The following TG variants were observed in gnomAD, a reference collection of about 807,000 sequenced individuals.
TG encodes thyroglobulin, also known as thyroid hormones.
TG carries 270 observed loss-of-function variants against 324.7 expected under a neutral mutation model. The ratio of observed to expected loss-of-function variants is 0.83; its 90% confidence interval spans 0.75 to 0.92. TG has a LOEUF of 0.92. Ranked by LOEUF, TG falls within the 40% of genes least tolerant of loss-of-function variation. The probability of loss-of-function intolerance (pLI) is 0.00; values close to 1 mark genes in which losing one functional copy is unlikely to be tolerated. For synonymous variants in TG, 1,401 were observed against 1,327.0 expected, an observed-to-expected ratio of 1.06 and a Z score of -1.21; for missense variants, 3,591 against 3,456.4, an observed-to-expected ratio of 1.04 and a Z score of -0.98.
chr8:133,115,794 A>T (rs944136260), intron 44 of TG, among the ~76,000 whole-genome samples: 8 of 152,182 alleles, frequency 5.3e-5, no homozygotes, highest in African/African-American at 1.9e-4. Flanking sequence ...CGCCTCTCTA[A>T]GCACATAGCC....
At chr8:133,050,945 G>C in intron 41 of TG, 1 of 1,354,024 alleles carries the variant, frequency 7.4e-7, no homozygotes, top group Non-Finnish European at 1.1e-6. Context: ...GGGGAAGGGG[G>C]CAAGGTGCTT....
At chr8:132,931,260 A>G (rs997492773) in intron 23 of TG, among the ~76,000 whole-genome samples, 1 of 152,180 alleles carries the variant, frequency 6.6e-6, no homozygotes, top group Non-Finnish European at 1.5e-5. Context: ...TAATGATCTC[A>G]TTATGCACTT....
intron 38 of TG, among the ~76,000 whole-genome samples, chr8:133,019,268 C>T (rs1835343397): frequency 1.3e-5 from 2 of 152,236 alleles, no homozygotes; most frequent in Non-Finnish European, 2.9e-5. Flanking sequence ...AGAGTCTGCA[C>T]TCTTGGAGCA....
chr8:133,042,886 GT>G (rs1838580411), intron 41 of TG, among the ~76,000 whole-genome samples: 1 of 151,512 alleles, frequency 6.6e-6, no homozygotes, highest in Admixed American at 6.6e-5. Flanking sequence ...TGCAGACAGG[GT>G]TTCACCATGT....
chr8:132,887,251 G>A lies in TG; in HGVS notation c.1879G>A (p.Glu627Lys). 6.2e-7 allele frequency: 1 copy of A among 1,604,106 alleles called. No individual in the cohort carries two copies. Among genetic ancestry groups the A allele is most frequent in the South Asian group, 1.1e-5 (1 of 89,624 alleles). Residue 627 changes from glutamate to lysine, a missense_variant, in exon 9 of 48, where the codon GAG (glutamate) becomes AAG (lysine). Glu to Lys is a moderately conservative substitution (Grantham distance 56). Coordinates refer to ENST00000220616, the MANE Select transcript of TG (RefSeq NM_003235.5). ...VPSCTTEGSYEDVQCFSGECW... is the reference protein window; with the variant it reads ...VPSCTTEGSYKDVQCFSGECW... ...ATCATGCACGACAGAAGGAAGCTAT[G>A]AGGATGTCCAATGCTTTTCCGGAGA...
chr8:132,898,921 G>A lies in TG; in HGVS notation c.3330+11G>A, dbSNP rs74941843. 4.2e-4 allele frequency: 680 copies of A among 1,609,910 alleles called. 4 individuals are homozygous for A. In the African/African-American group the frequency reaches 7.5e-3, roughly 18 times the overall value. On this transcript the variant is annotated intron_variant, in intron 14 of 47. Coordinates refer to ENST00000220616, the MANE Select transcript of TG (RefSeq NM_003235.5). ...CCAGCCTGCCTAGAAGTAAGGGTCT[G>A]GAAGCACAGGATTGGAGCCGGGACT...
chr8:132,888,446 CG>C lies in TG; in HGVS notation c.2643del (p.Ser882ProfsTer84), dbSNP rs1815737981. On this transcript the variant is annotated frameshift_variant, in exon 10 of 48. Coordinates refer to ENST00000220616, the MANE Select transcript of TG (RefSeq NM_003235.5). LOFTEE classifies it high-confidence loss of function. ...TTAAATGGCCAACTCAGCCAATACC[CG>C]GGGTCCTACTCAGACTTCAGCACTC... ...QILNGQLSQY[P>X]GSYSDFSTPL... 1 of 1,612,234 alleles carries C rather than the reference CG, an allele frequency of 6.2e-7. No homozygotes were observed. Among genetic ancestry groups the C allele is most frequent in the Non-Finnish European group, 8.5e-7 (1 of 1,178,740 alleles).
chr8:132,997,036 T>A lies in TG; in HGVS notation c.6262+13624T>A, dbSNP rs1447417362. On this transcript the variant is annotated intron_variant, in intron 35 of 47. Coordinates refer to ENST00000220616, the MANE Select transcript of TG (RefSeq NM_003235.5). ...TTGTTTGTTTTGCTACAAACCTAGA[T>A]GGAGTGTGTTTGCTGCAGGGACAAT... Among the ~76,000 whole-genome samples, 3 of 152,216 alleles carry A rather than the reference T, an allele frequency of 2.0e-5. No individual in the cohort carries two copies. In the East Asian group the frequency reaches 5.8e-4, roughly 29 times the overall value.
At chr8:133,071,636 C>T (rs147963459) in intron 41 of TG, among the ~76,000 whole-genome samples, 4 of 151,550 alleles carry the variant, frequency 2.6e-5, no homozygotes, top group African/African-American at 7.3e-5. Context: ...TGGCATGCAG[C>T]GGGGAGAGGG....
intron 35 of TG, among the ~76,000 whole-genome samples, chr8:133,009,954 C>G (rs1268271995): frequency 6.6e-6 from 1 of 152,152 alleles, no homozygotes; most frequent in Non-Finnish European, 1.5e-5. Context: ...GCTTTATTTA[C>G]CAGTCTAATT....
intron 41 of TG, among the ~76,000 whole-genome samples, chr8:133,055,346 G>C (rs903674223): frequency 6.9e-6 from 1 of 144,672 alleles, no homozygotes; most frequent in South Asian, 2.2e-4. Context: ...TCATCTTCAG[G>C]ACACACACAC....
At chr8:133,123,584 C>T (rs1239764817) in intron 45 of TG, among the ~76,000 whole-genome samples, 2 of 152,180 alleles carry the variant, frequency 1.3e-5, no homozygotes, top group Admixed American at 6.5e-5. Context: ...CGGTGATGTC[C>T]TCCTCTCTAA....
rs1554706932 is a variant in TG, at chr8:133,042,678, C to CCTTTTTTTTTTTTTTTTTTTTTTTTTTT, written c.7239+12655_7239+12656insCTTTTTTTTTTTTTTTTTTTTTTTTTTT. 5.3e-5 allele frequency among the ~76,000 whole-genome samples: 3 copies of CCTTTTTTTTTTTTTTTTTTTTTTTTTTT among 56,768 alleles called. 1 individual carries two copies. Among genetic ancestry groups the CCTTTTTTTTTTTTTTTTTTTTTTTTTTT allele is most frequent in the African/African-American group, 6.9e-5 (1 of 14,488 alleles). 37.2% of individuals were successfully genotyped at this position (56,768 alleles called of 152,430 possible). A position where few individuals can be genotyped will look rare whatever the true frequency, so the allele number is the denominator to read the frequency against. On this transcript the variant is annotated intron_variant, in intron 41 of 47. Transcript: ENST00000220616. ...GTGCACAATTCCTCTCATTCTGTGTCTTTTTTTTTTTTTTTTTTTTTTTTT... is the reference window on the plus strand; with the variant it reads ...GTGCACAATTCCTCTCATTCTGTGTCCTTTTTTTTTTTTTTTTTTTTTTTTTTTTTTTTTTTTTTTTTTTTTTTTTTTT...
At chr8:133,128,246 G>A (rs1286252695) in intron 45 of TG, among the ~76,000 whole-genome samples, 2 of 151,920 alleles carry the variant, frequency 1.3e-5, no homozygotes, top group African/African-American at 4.8e-5. Context: ...AACTGTGGGC[G>A]GAGCAGGGTC....
chr8:133,076,436 G>C (rs1288114051), intron 41 of TG, among the ~76,000 whole-genome samples: 1 of 152,206 alleles, frequency 6.6e-6, no homozygotes, highest in African/African-American at 2.4e-5. Flanking sequence ...TGGTTCCTTA[G>C]ACAACTTGTG....
intron 11 of TG, among the ~76,000 whole-genome samples, chr8:132,894,789 G>A (rs1816865847): frequency 6.6e-6 from 1 of 152,212 alleles, no homozygotes; most frequent in Non-Finnish European, 1.5e-5. Context: ...CTTCACCTTT[G>A]AGCAGGCACT....
At chr8:132,957,249 A>C (rs1827020381) in intron 27 of TG, among the ~76,000 whole-genome samples, 1 of 152,158 alleles carries the variant, frequency 6.6e-6, no homozygotes, top group Non-Finnish European at 1.5e-5. Context: ...CTCTACATAC[A>C]TGTGCTGAAT....
intron 35 of TG, among the ~76,000 whole-genome samples, chr8:132,984,934 C>CA (rs35473851): frequency 0.013 from 1,788 of 140,452 alleles, 58 homozygotes; most frequent in Admixed American, 0.053. Flanking sequence ...GCCTCCATCT[C>CA]AAAAAAAAAA....
chr8:133,063,143 A>C (rs1285684226), intron 41 of TG, among the ~76,000 whole-genome samples: 1 of 151,174 alleles, frequency 6.6e-6, no homozygotes, highest in Non-Finnish European at 1.5e-5. Context: ...CAGACACAGC[A>C]AACTGTCCCA....
Sources: gnomAD v4.1 joint callset for allele counts (sites outside exome capture counted in the v4.1 genomes callset) on GRCh38, gnomAD v4.1.1 for gene constraint, MANE v1.5 for transcripts, NCBI Gene and HGNC (gene_info 2026-07-23, HGNC 2026-07-21) for gene names.